Variants in MUC5B observed in about 807,000 individuals in gnomAD.
MUC5B encodes mucin-5B.
A neutral mutation model predicts 376.9 loss-of-function variants in MUC5B; 116 were observed. The ratio of observed to expected loss-of-function variants is 0.31; its 90% CI spans 0.26 to 0.36. The LOEUF is 0.36. Ranked by LOEUF, MUC5B falls within the 10% of genes least tolerant of loss-of-function variation. MUC5B has a pLI of 1.00. For synonymous variants in MUC5B, 3,517 were observed against 3,390.9 expected, an observed-to-expected ratio of 1.04 and a Z score of -1.29; for missense variants, 7,165 against 7,769.9, an observed-to-expected ratio of 0.92 and a Z score of 2.93.
Position 1,241,662 on chromosome 11 carries a change from G to A in MUC5B, c.4782G>A (p.Arg1594=). 2 of 1,612,416 alleles carry A rather than the reference G, an allele frequency of 1.2e-6. No homozygotes were observed. The highest frequency in any genetic ancestry group is 1.1e-5 in the South Asian group (1 of 91,000). ...VFKMCYNYRI[R]VLCCSDDHCR... The stretch of plus-strand genomic sequence containing the variant: ...AGATGTGCTACAACTACAGGATCCG[G>A]GTCCTCTGCTGCAGTGACGACCACT... Residue 1594 remains arginine, a synonymous_variant, in exon 31 of 49, where the codon CGG becomes CGA. Coordinates refer to ENST00000529681, the MANE Select transcript of MUC5B (RefSeq NM_002458.3).
chr11:1,242,714 C>A lies in MUC5B; in HGVS notation c.5834C>A (p.Thr1945Lys), dbSNP rs780791477. The A allele has an allele frequency of 6.2e-7, 1 of 1,613,482 alleles. No individual in the cohort carries two copies. The highest frequency in any genetic ancestry group is 1.7e-5 in the Admixed American group (1 of 59,994). The change falls in exon 31 of 49, where the codon ACA (threonine) becomes AAA (lysine). Residue 1945 changes from threonine to lysine, a missense_variant. Transcript: ENST00000529681. Reference protein sequence around the residue: ...PPKVLTTTATTPTVTSSKATP... With the variant: ...PPKVLTTTATKPTVTSSKATP... Reference sequence around the variant, plus strand: ...AAAGTGCTGACCACCACGGCCACCACACCCACAGTCACCAGCTCCAAAGCC... The same window carrying A: ...AAAGTGCTGACCACCACGGCCACCAAACCCACAGTCACCAGCTCCAAAGCC...
chr11:1,233,934 AC>A (rs1276473665), intron 19 of MUC5B, 86 bp downstream of exon 19: 2 of 1,282,136 alleles, frequency 1.6e-6, no homozygotes, highest in Non-Finnish European at 2.1e-6. Flanking sequence ...ACCCTGCCCC[AC>A]CCCACCTGAA....
In MUC5B at chr11:1,254,112, G is replaced by A. The variant is rs200503009; in HGVS notation, c.15238G>A (p.Gly5080Ser). 28 of 1,612,176 alleles carry A rather than the reference G, an allele frequency of 1.7e-5. No homozygotes were observed. Among genetic ancestry groups the A allele is most frequent in the African/African-American group, 1.2e-4 (9 of 74,896 alleles). ...CGCAGGCATCTGCAGCATGTGGGGC[G>A]GCTCCCACTATTCCACCTTTGACGG... The part of the protein sequence containing the change: ...ECECICSMWG[G>S]SHYSTFDGTS... Residue 5080 changes from glycine to serine, a missense_variant, in exon 34 of 49, where the codon GGC (glycine) becomes AGC (serine). By Grantham distance (56) the Gly-to-Ser change is moderately conservative. Coordinates refer to ENST00000529681, the MANE Select transcript of MUC5B (RefSeq NM_002458.3).
In MUC5B at chr11:1,239,880, A is replaced by T. The variant is rs528796762; in HGVS notation, c.3665A>T (p.Asp1222Val). 8.1e-6 allele frequency: 13 copies of T among 1,613,216 alleles called. No homozygotes were observed. The East Asian group carries it at 2.9e-4, about 36-fold the overall frequency. Residue 1222 changes from aspartate (D) to valine (V), a missense_variant, in exon 28 of 49, where the codon GAC (aspartate) becomes GTC (valine). Physicochemically the swap from Asp to Val is radical, Grantham distance 152. Around this residue, in one of 31 missense-constraint regions of MUC5B, gnomAD observed 517 missense variants for 545.3 expected, o/e 0.95. Coordinates refer to ENST00000529681, the MANE Select transcript of MUC5B (RefSeq NM_002458.3). The part of the protein sequence containing the change: ...MKCVAQCGCY[D>V]KDGNYYDVGA... ...TGCGTGGCCCAGTGTGGCTGCTACG[A>T]CAAGGACGGAAACTACTATGACGTC...
At chr11:1,233,916 C>T (rs1862097634) in intron 19 of MUC5B, 68 bp downstream of exon 19, 1 of 1,471,830 alleles carries the variant, frequency 6.8e-7, no homozygotes, top group Middle Eastern at 2.4e-4. Flanking sequence ...CTGGCCCCAA[C>T]ACGCCCCACC....
At position 1,259,952 on chromosome 11, in the gene MUC5B, T is replaced by C. The variant is rs1862953886; in HGVS notation, c.16801-11T>C. On this transcript the variant is annotated splice_polypyrimidine_tract_variant and intron_variant, in intron 45 of 48. Coordinates refer to ENST00000529681, the MANE Select transcript of MUC5B (RefSeq NM_002458.3). ...CCCTACTCAGCTTCCACACTCACCC[T>C]TGCATTTCAGCTGAATGAAACCTGG... 1.2e-6 allele frequency: 2 copies of C among 1,612,968 alleles called. No individual in the cohort carries two copies. The highest frequency in any genetic ancestry group is 2.7e-5 in the African/African-American group (2 of 75,026).
chr11:1,246,030 C>T lies in MUC5B; in HGVS notation c.9150C>T (p.Thr3050=), dbSNP rs570903817. 5.6e-5 allele frequency: 91 copies of T among 1,613,014 alleles called. 1 individual carries two copies. In the Middle Eastern group the frequency reaches 2.3e-3, roughly 41 times the overall value. ...CCTCCAGTCCAAGGACTGCAACCAC[C>T]CTTCCAGTGCTGACAAGCACAGCCA... ...TSSSSPRTAT[T]LPVLTSTATK... Residue 3050 remains threonine (T), a synonymous_variant, in exon 31 of 49, where the codon ACC becomes ACT. Coordinates refer to ENST00000529681, the MANE Select transcript of MUC5B (RefSeq NM_002458.3).
In MUC5B at chr11:1,248,508, C is replaced by A. The variant is rs1413819301; in HGVS notation, c.11628C>A (p.Thr3876=). The change falls in exon 31 of 49, where the codon ACC becomes ACA. Residue 3876 remains threonine (T), a synonymous_variant. Coordinates refer to ENST00000529681, the MANE Select transcript of MUC5B (RefSeq NM_002458.3). ...PTTTTTGFTV[T]PSSSPGTART... is the part of the protein sequence containing the mutation. ...CCACAACCACGGGCTTCACAGTCACCCCCTCCTCCAGCCCAGGGACGGCAC... is the reference window on the plus strand; with the variant it reads ...CCACAACCACGGGCTTCACAGTCACACCCTCCTCCAGCCCAGGGACGGCAC... The A allele has an allele frequency of 6.2e-7, 1 of 1,612,468 alleles. No individual in the cohort carries two copies. The highest frequency in any genetic ancestry group is 1.7e-4 in the Middle Eastern group (1 of 5,908).
rs369300789 is a variant in MUC5B, at chr11:1,246,251, C to A, written c.9371C>A (p.Thr3124Asn). 7 of 1,612,438 alleles carry A rather than the reference C, an allele frequency of 4.3e-6. No individual in the cohort carries two copies. The highest frequency in any genetic ancestry group is 5.9e-6 in the Non-Finnish European group (7 of 1,179,430). The part of the protein sequence containing the change: ...TTTRATSSMS[T>N]PSSTPGTTWI... ...ACAAGGGCCACCAGTTCCATGTCCA[C>A]CCCCTCCTCCACTCCGGGGACGACC... Residue 3124 changes from threonine (T) to asparagine (N), a missense_variant, in exon 31 of 49, where the codon ACC becomes AAC. By Grantham distance (65) the Thr-to-Asn change is moderately conservative (BLOSUM62 0). Transcript: ENST00000529681.
chr11:1,243,792 C>G lies in MUC5B; in HGVS notation c.6912C>G (p.Ala2304=). The G allele has an allele frequency of 6.2e-7, 1 of 1,611,716 alleles. No individual in the cohort carries two copies. Among genetic ancestry groups the G allele is most frequent in the Non-Finnish European group, 8.5e-7 (1 of 1,179,654 alleles). The change falls in exon 31 of 49, where the codon GCC becomes GCG. Residue 2304 remains alanine, a synonymous_variant. Transcript: ENST00000529681. ...TGCTGCCCAGCAGCCCCACATCGGC[C>G]CCCATAACCACGGTGGTGACCATGG... ...STLLPSSPTS[A]PITTVVTMGC...
chr11:1,247,922 C>T lies in MUC5B; in HGVS notation c.11042C>T (p.Ala3681Val). 6.2e-7 allele frequency: 1 copy of T among 1,611,568 alleles called. No homozygotes were observed. Among genetic ancestry groups the T allele is most frequent in the Middle Eastern group, 1.7e-4 (1 of 5,888 alleles). Residue 3681 changes from alanine to valine, a missense_variant, in exon 31 of 49, where the codon GCC (alanine) becomes GTC (valine). Around this residue, in one of 31 missense-constraint regions of MUC5B, gnomAD observed 90 missense variants for 71.1 expected, o/e 1.27. Transcript: ENST00000529681. The stretch of plus-strand genomic sequence containing the variant: ...AGCACCCCGGCCACCAGCTCTACGG[C>T]CACGCCCTCCTCAACTCCGGGGACG... ...CPSTPATSST[A>V]TPSSTPGTTW... is the part of the protein sequence containing the mutation.
intron 14 of MUC5B, 27 bp from the exon 15 acceptor site, chr11:1,231,969 C>T: frequency 5.6e-6 from 9 of 1,612,028 alleles, no homozygotes; most frequent in Middle Eastern, 1.7e-4. Context: ...ACAGTGGCCG[C>T]TGACATCCCC....
In MUC5B at chr11:1,254,742, G is replaced by C; in HGVS notation, c.15526G>C (p.Val5176Leu). 1 of 1,612,894 alleles carries C rather than the reference G, an allele frequency of 6.2e-7. No homozygotes were observed. Among genetic ancestry groups the C allele is most frequent in the Non-Finnish European group, 8.5e-7 (1 of 1,179,752 alleles). The change falls in exon 35 of 49, where the codon GTG (valine) becomes CTG (leucine). Residue 5176 changes from valine to leucine, a missense_variant. Val to Leu is a conservative substitution (Grantham distance 32). Transcript: ENST00000529681. ...GAGCAGCGGTTTCAGCAAGAACGGC[G>C]TGCTTGTGTCTGTGCTGGGGACCAC... ...PVSSGFSKNG[V>L]LVSVLGTTTM...
Position 1,257,300 on chromosome 11 carries a change from C to A in MUC5B, c.16269+29C>A, listed in dbSNP as rs1862864336. 2.5e-6 allele frequency: 2 copies of A among 784,910 alleles called. No individual in the cohort carries two copies. The highest frequency in any genetic ancestry group is 4.7e-6 in the Non-Finnish European group (2 of 423,094). 48.6% of individuals were successfully genotyped at this position (784,910 alleles called of 1,614,324 possible). ...AGTGGCTCCACCCCCACCTGCCCTA[C>A]CCCACCCTCTCGCGAGCTGAGGGAG... On this transcript the variant is annotated intron_variant, in intron 40 of 48. Transcript: ENST00000529681. The surrounding 1 kb of genome is among the most constrained non-coding windows in gnomAD (Gnocchi z 8.9).
Position 1,250,879 on chromosome 11 carries a change from C to T in MUC5B, c.13999C>T (p.Pro4667Ser), listed in dbSNP as rs750547196. ...TTVATGSMAT[P>S]SSSTQTSGTP... ...TGTGGCCACTGGTTCTATGGCAACA[C>T]CCTCCTCTAGCACACAGACCAGTGG... Residue 4667 changes from proline (P) to serine (S), a missense_variant, in exon 31 of 49, where the codon CCC becomes TCC. This residue lies in a region of MUC5B where 730 missense variants were observed against 592.7 expected (regional missense o/e 1.23). Coordinates refer to ENST00000529681, the MANE Select transcript of MUC5B (RefSeq NM_002458.3). The T allele has an allele frequency of 5.6e-6, 9 of 1,593,294 alleles. No homozygotes were observed. Among genetic ancestry groups the T allele is most frequent in the Non-Finnish European group, 6.0e-6 (7 of 1,169,942 alleles).
Position 1,248,656 on chromosome 11 carries a change from G to A in MUC5B, c.11776G>A (p.Val3926Met). The A allele has an allele frequency of 6.2e-7, 1 of 1,600,882 alleles. No homozygotes were observed. Among genetic ancestry groups the A allele is most frequent in the African/African-American group, 1.4e-5 (1 of 72,580 alleles). The change falls in exon 31 of 49, where the codon GTG becomes ATG. Residue 3926 changes from valine (V) to methionine (M), a missense_variant. Physicochemically the swap from Val to Met is conservative, Grantham distance 21. Around this residue, in one of 31 missense-constraint regions of MUC5B, gnomAD observed 242 missense variants for 199.0 expected, o/e 1.22. Coordinates refer to ENST00000529681, the MANE Select transcript of MUC5B (RefSeq NM_002458.3). ...PTVLTTTTTT[V>M]ATGSMATPSS... Reference sequence around the variant, plus strand: ...AGTGCTGACCACCACCACCACAACTGTGGCCACTGGTTCTATGGCAACACC... The same window carrying A: ...AGTGCTGACCACCACCACCACAACTATGGCCACTGGTTCTATGGCAACACC...
chr11:1,260,752 C>T (rs760517305), intron 48 of MUC5B, 24 bp downstream of exon 48: 252 of 1,554,528 alleles, frequency 1.6e-4, no homozygotes, highest in Admixed American at 2.1e-4. Flanking sequence ...TGGCCCTGTG[C>T]CAAGAGCACC....
At chr11:1,226,969 G>C in intron 4 of MUC5B, 62 bp from the exon 5 acceptor site, 1 of 1,561,836 alleles carries the variant, frequency 6.4e-7, no homozygotes, top group Non-Finnish European at 8.7e-7. Flanking sequence ...GGCTGGGGGG[G>C]GGTTGGGTGG....
In MUC5B at chr11:1,250,400, T is replaced by C; in HGVS notation, c.13520T>C (p.Leu4507Pro). The change falls in exon 31 of 49, where the codon CTT becomes CCT. Residue 4507 changes from leucine (L) to proline (P), a missense_variant. Leu to Pro is a moderately conservative substitution (Grantham distance 98). Coordinates refer to ENST00000529681, the MANE Select transcript of MUC5B (RefSeq NM_002458.3). ...PSSSPGTATA[L>P]PALRSTATTP... ...TCCAGTCCAGGGACTGCAACTGCCC[T>C]TCCAGCACTGAGAAGCACAGCCACC... The C allele has an allele frequency of 6.2e-7, 1 of 1,610,034 alleles. No individual in the cohort carries two copies. The highest frequency in any genetic ancestry group is 1.1e-5 in the South Asian group (1 of 90,916).
Sources: allele counts gnomAD v4.1 joint callset, GRCh38; gene constraint gnomAD v4.1.1; regional missense constraint gnomAD v4.1.1; non-coding constraint Gnocchi (gnomAD v3.1); transcripts MANE v1.5; gene names NCBI Gene and HGNC (gene_info 2026-07-23, HGNC 2026-07-21).